The following SCML4 variants were observed in gnomAD, a reference collection of about 807,000 sequenced individuals.
SCML4 encodes the protein Scm polycomb group protein like 4, also known as sex comb on midleg-like protein 4.
In SCML4, 34 loss-of-function variants were observed where a neutral mutation model predicts 41.1. That is an observed-to-expected ratio of 0.83 (90% confidence interval 0.63 to 1.10). The LOEUF (loss-of-function observed/expected upper bound fraction) is 1.10. Ranked by LOEUF, SCML4 falls within the 50% of genes least tolerant of loss-of-function variation. The probability of loss-of-function intolerance (pLI) is 0.00; values close to 1 mark genes in which losing one functional copy is unlikely to be tolerated. For synonymous variants in SCML4, 214 were observed against 220.9 expected, an observed-to-expected ratio of 0.97 and a Z score of 0.28; for missense variants, 522 against 534.1, an observed-to-expected ratio of 0.98 and a Z score of 0.22.
At chr6:107,706,353 A>T (rs1773626179) in intron 7 of SCML4, among the ~76,000 whole-genome samples, 1 of 151,972 alleles carries the variant, frequency 6.6e-6, no homozygotes, top group South Asian at 2.1e-4. Flanking sequence ...AGCATAACCC[A>T]CTCTGTGGTT....
upstream of SCML4, among the ~76,000 whole-genome samples, chr6:107,829,060 C>G (rs894488216): frequency 6.6e-6 from 1 of 151,978 alleles, no homozygotes; most frequent in African/African-American, 2.4e-5. Flanking sequence ...TATCCAGGAT[C>G]AAATTTTATT....
intron 2 of SCML4, among the ~76,000 whole-genome samples, chr6:107,754,726 G>A (rs1393651597): frequency 6.6e-6 from 1 of 152,158 alleles, no homozygotes; most frequent in African/African-American, 2.4e-5. Context: ...CGATGATGAT[G>A]ATGACTAAAA....
intron 2 of SCML4, among the ~76,000 whole-genome samples, chr6:107,766,373 A>G (rs1162353710): frequency 1.3e-5 from 2 of 151,726 alleles, no homozygotes; most frequent in East Asian, 3.9e-4. Context: ...CCGTCTCAAA[A>G]AAAAAAAAAA....
chr6:107,746,962 G>A (rs1778168787), intron 3 of SCML4, 73 bp from the exon 4 acceptor site: 11 of 1,291,294 alleles, frequency 8.5e-6, no homozygotes, highest in South Asian at 1.4e-5. Context: ...CTGTGTACAC[G>A]GGGGATGCCT....
chr6:107,713,508 C>G (rs560260008), intron 6 of SCML4, among the ~76,000 whole-genome samples: 10 of 152,356 alleles, frequency 6.6e-5, no homozygotes, highest in African/African-American at 2.4e-4. Context: ...GCAGCCACAG[C>G]CAGGCTTCCC....
the SCML4 span, among the ~76,000 whole-genome samples, chr6:107,844,024 C>T: frequency 1.1e-3 from 163 of 152,088 alleles, no homozygotes; most frequent in African/African-American, 3.9e-3. Flanking sequence ...ATAATGATGG[C>T]AGATTGGGTG....
intron 5 of SCML4, among the ~76,000 whole-genome samples, chr6:107,728,941 T>C (rs921390082): frequency 1.3e-5 from 2 of 152,152 alleles, no homozygotes. Flanking sequence ...TCAAACCCGA[T>C]TGAAACTGCA....
At chr6:107,811,828 T>C (rs1784179271) in intron 1 of SCML4, among the ~76,000 whole-genome samples, 1 of 152,116 alleles carries the variant, frequency 6.6e-6, no homozygotes, top group South Asian at 2.1e-4. Context: ...GAGGGGGACA[T>C]GAAAACGTCC....
intron 3 of SCML4, among the ~76,000 whole-genome samples, chr6:107,747,480 T>TG (rs904159900): frequency 4.0e-5 from 6 of 151,846 alleles, no homozygotes; most frequent in African/African-American, 7.3e-5. Context: ...GATAAAAAAT[T>TG]GGGGGGGCAC....
intron 1 of SCML4, among the ~76,000 whole-genome samples, chr6:107,791,021 C>T (rs1027217016): frequency 6.7e-6 from 1 of 148,604 alleles, no homozygotes; most frequent in African/African-American, 2.5e-5. Context: ...AGTGAGTGGA[C>T]ATTGCACCAT....
chr6:107,737,154 G>T (rs1391787686), intron 5 of SCML4, among the ~76,000 whole-genome samples: 1 of 152,190 alleles, frequency 6.6e-6, no homozygotes. Flanking sequence ...GGACCCCCAG[G>T]TCTATCTAGC....
the SCML4 span, among the ~76,000 whole-genome samples, chr6:107,837,658 G>A: frequency 6.6e-6 from 1 of 152,144 alleles, no homozygotes; most frequent in Non-Finnish European, 1.5e-5. Context: ...CAGGGATTCT[G>A]GAGTGCAGGG....
chr6:107,749,218 C>G (rs371991239), intron 3 of SCML4, among the ~76,000 whole-genome samples: 9 of 152,136 alleles, frequency 5.9e-5, no homozygotes, highest in East Asian at 5.8e-4. Context: ...GATGCCCCAC[C>G]ATAGACAGAG....
At chr6:107,830,724 T>G in the SCML4 span, among the ~76,000 whole-genome samples, 2 of 152,164 alleles carry the variant, frequency 1.3e-5, no homozygotes, top group Non-Finnish European at 2.9e-5. Flanking sequence ...TGGTGTCAGA[T>G]GTCTGTTATC....
chr6:107,743,709 C>T (rs1777799905), intron 5 of SCML4, among the ~76,000 whole-genome samples: 1 of 152,174 alleles, frequency 6.6e-6, no homozygotes, highest in Non-Finnish European at 1.5e-5. Context: ...TCTGCTCACA[C>T]CAACCATATT....
intron 5 of SCML4, among the ~76,000 whole-genome samples, chr6:107,742,698 C>A (rs1473047621): frequency 6.6e-6 from 1 of 152,094 alleles, no homozygotes; most frequent in Non-Finnish European, 1.5e-5. Flanking sequence ...CTGTATCAAG[C>A]AGTTATCCTT....
chr6:107,780,252 G>T (rs1781376302), intron 1 of SCML4, among the ~76,000 whole-genome samples: 1 of 152,072 alleles, frequency 6.6e-6, no homozygotes, highest in South Asian at 2.1e-4. Flanking sequence ...AAAGAATAGG[G>T]CCACCAATAT....
In SCML4 at chr6:107,705,198, A is replaced by T. The variant is rs1546961; in HGVS notation, c.*2T>A. 2 of 1,551,314 alleles carry T rather than the reference A, an allele frequency of 1.3e-6. No homozygotes were observed. Among genetic ancestry groups the T allele is most frequent in the Non-Finnish European group, 8.7e-7 (1 of 1,146,770 alleles). ...GGTTTCGCTTCTGTCTTTTTAAAAA[A>T]GTCAGAACTTGGCTTGCTTCAGTTT... is the stretch of plus-strand genomic sequence containing the variant. On this transcript the variant is annotated 3_prime_UTR_variant, in exon 8 of 8. Coordinates refer to ENST00000369020, the MANE Select transcript of SCML4 (RefSeq NM_198081.5).
At chr6:107,783,975 G>A (rs1476834180) in intron 1 of SCML4, among the ~76,000 whole-genome samples, 1 of 152,170 alleles carries the variant, frequency 6.6e-6, no homozygotes, top group Non-Finnish European at 1.5e-5. Flanking sequence ...TCCTGCCCCT[G>A]CCCCTCAAGC....
Sources: allele counts gnomAD v4.1 joint callset (sites outside exome capture counted in the v4.1 genomes callset), GRCh38; gene constraint gnomAD v4.1.1; transcripts MANE v1.5; gene names NCBI Gene and HGNC (gene_info 2026-07-23, HGNC 2026-07-21).